Variants in USH2A observed in about 807,000 individuals in gnomAD.
USH2A encodes Usher syndrome 2A (autosomal recessive, mild).
Under a neutral mutation model 538.9 loss-of-function variants are expected in USH2A, and 443 were observed. The ratio of observed to expected loss-of-function variants is 0.82; its 90% CI spans 0.76 to 0.89. The LOEUF is 0.89. Among genes scored for constraint, USH2A ranks in the 40% least tolerant of loss-of-function variants. The pLI is 0.00. For missense variants in USH2A, 6,633 were observed against 6,324.8 expected, an observed-to-expected ratio of 1.05 and a Z score of -1.65; for synonymous variants, 2,413 against 2,273.5, an observed-to-expected ratio of 1.06 and a Z score of -1.75.
chr1:215,720,201 G>T (rs1467846452), intron 61 of USH2A, among the ~76,000 whole-genome samples: 1 of 152,140 alleles, frequency 6.6e-6, no homozygotes, highest in African/African-American at 2.4e-5. Context: ...AGGGGATTCA[G>T]TGGAGAAGAA....
chr1:215,998,306 C>T (rs1668184723), intron 34 of USH2A, among the ~76,000 whole-genome samples: 1 of 151,934 alleles, frequency 6.6e-6, no homozygotes, highest in Non-Finnish European at 1.5e-5. Context: ...TTTTAAAAGA[C>T]CTTTGTGTAA....
At chr1:215,834,954 G>A (rs1313874885) in intron 47 of USH2A, among the ~76,000 whole-genome samples, 1 of 151,232 alleles carries the variant, frequency 6.6e-6, no homozygotes, top group African/African-American at 2.4e-5. Context: ...TTTCAATTCA[G>A]CTTTTCACCC....
intron 13 of USH2A, among the ~76,000 whole-genome samples, chr1:216,241,455 T>C (rs1300061705): frequency 6.6e-6 from 1 of 152,148 alleles, no homozygotes; most frequent in Non-Finnish European, 1.5e-5. Context: ...CTAAATTTTC[T>C]TCATGCAACC....
intron 4 of USH2A, among the ~76,000 whole-genome samples, chr1:216,335,441 GCAGA>G (rs2037950266): frequency 6.6e-6 from 1 of 151,156 alleles, no homozygotes; most frequent in Non-Finnish European, 1.5e-5. Flanking sequence ...AAAGATTTGA[GCAGA>G]CAAATAAAAT....
intron 21 of USH2A, among the ~76,000 whole-genome samples, chr1:216,101,907 A>C (rs2032589939): frequency 6.6e-6 from 1 of 152,244 alleles, no homozygotes; most frequent in Non-Finnish European, 1.5e-5. Context: ...GAAAAATCCA[A>C]GTTCTACATG....
Position 215,786,892 on chromosome 1 carries a change from G to A in USH2A, c.10183-18C>T, listed in dbSNP as rs528065173. 59 of 1,612,478 alleles carry A rather than the reference G, an allele frequency of 3.7e-5. No homozygotes were observed. The highest frequency in any genetic ancestry group is 2.9e-5 in the Non-Finnish European group (34 of 1,179,212). ...TTGGTTTCCTGAGTCAAGTGGCAGG[G>A]GTGAGAGAGAGAGGGGTATTTAAAA... On this transcript the variant is annotated intron_variant, in intron 51 of 71. Coordinates refer to ENST00000307340, the MANE Select transcript of USH2A (RefSeq NM_206933.4).
intron 56 of USH2A, among the ~76,000 whole-genome samples, chr1:215,762,431 T>C (rs1474278135): frequency 6.6e-6 from 1 of 152,088 alleles, no homozygotes; most frequent in African/African-American, 2.4e-5. Flanking sequence ...TGAAACATAA[T>C]TTTGGGTTTG....
At chr1:216,162,475 A>G (rs2034079207) in intron 21 of USH2A, among the ~76,000 whole-genome samples, 1 of 152,090 alleles carries the variant, frequency 6.6e-6, no homozygotes, top group Non-Finnish European at 1.5e-5. Context: ...ATCGACTATT[A>G]ACATTTCATT....
chr1:216,289,185 C>A (rs2036947679), intron 11 of USH2A, 95 bp downstream of exon 11: 40 of 1,575,624 alleles, frequency 2.5e-5, no homozygotes, highest in Non-Finnish European at 3.4e-5. Flanking sequence ...GATTTCCTGG[C>A]AAATGCAGTC....
chr1:215,992,623 T>C (rs1353413935), intron 35 of USH2A, among the ~76,000 whole-genome samples: 1 of 152,196 alleles, frequency 6.6e-6, no homozygotes, highest in East Asian at 1.9e-4. Context: ...CAAAAGCGTT[T>C]TGACACAATA....
chr1:215,732,836 T>A (rs376485315), intron 60 of USH2A, among the ~76,000 whole-genome samples: 177 of 152,170 alleles, frequency 1.2e-3, no homozygotes, highest in African/African-American at 4.0e-3. Flanking sequence ...CCACCACACC[T>A]GGCCTCTCCT....
chr1:216,210,532 C>CCCTCTT (rs1246883822), intron 15 of USH2A, among the ~76,000 whole-genome samples: 1 of 152,026 alleles, frequency 6.6e-6, no homozygotes, highest in Non-Finnish European at 1.5e-5. Context: ...AAGCAGGGAC[C>CCCTCTT]CCTCTTCTTC....
chr1:216,155,950 A>G (rs541340632), intron 21 of USH2A, among the ~76,000 whole-genome samples: 4 of 152,328 alleles, frequency 2.6e-5, no homozygotes, highest in Admixed American at 2.0e-4. Flanking sequence ...TATGAATGGT[A>G]CATGTACAAT....
At chr1:216,336,043 C>T (rs1447955564) in intron 4 of USH2A, among the ~76,000 whole-genome samples, 1 of 151,276 alleles carries the variant, frequency 6.6e-6, no homozygotes, top group South Asian at 2.1e-4. Flanking sequence ...GAACCAAATA[C>T]AGTACTAACA....
At position 216,389,990 on chromosome 1, in the gene USH2A, T is replaced by TA. The variant is rs577554919; in HGVS notation, c.652-24906dup. On this transcript the variant is annotated intron_variant, in intron 3 of 71. Transcript: ENST00000307340. ...ACTAGCTGTCAGTAAAAGAGAAAAA[T>TA]AAAAAAAACTGACTGTCAGTTTTAA... Among the ~76,000 whole-genome samples the TA allele has an allele frequency of 2.7e-3, 372 of 137,608 alleles. 5 individuals are homozygous for TA. The highest frequency in any genetic ancestry group is 6.7e-3 in the African/African-American group (267 of 39,708). 90.3% of individuals were successfully genotyped at this position (137,608 alleles called of 152,430 possible). A position where few individuals can be genotyped will look rare whatever the true frequency, so the allele number is the denominator to read the frequency against.
chr1:215,765,188 G>A (rs766650657), intron 56 of USH2A, among the ~76,000 whole-genome samples: 5 of 152,008 alleles, frequency 3.3e-5, no homozygotes, highest in Non-Finnish European at 5.9e-5. Context: ...AGCCAAATCT[G>A]GTTGATAGAT....
chr1:215,770,852 C>T (rs1661257944), intron 55 of USH2A, among the ~76,000 whole-genome samples: 1 of 150,890 alleles, frequency 6.6e-6, no homozygotes, highest in East Asian at 2.0e-4. Context: ...TGCCTCTAGT[C>T]CCAGCACTTT....
At chr1:215,811,981 GTTTTT>G (rs753767378) in intron 49 of USH2A, among the ~76,000 whole-genome samples, 1 of 78,786 alleles carries the variant, frequency 1.3e-5, no homozygotes. Flanking sequence ...AACCCCTAGG[GTTTTT>G]TTTTTTTTTT....
At chr1:216,039,073 C>A (rs2030138087) in intron 32 of USH2A, among the ~76,000 whole-genome samples, 1 of 151,984 alleles carries the variant, frequency 6.6e-6, no homozygotes, top group Non-Finnish European at 1.5e-5. Context: ...AATGGAAGAA[C>A]GACACTTAGG....
Sources: gnomAD v4.1 joint callset for allele counts (sites outside exome capture counted in the v4.1 genomes callset) on GRCh38, gnomAD v4.1.1 for gene constraint, MANE v1.5 for transcripts, NCBI Gene and HGNC (gene_info 2026-07-23, HGNC 2026-07-21) for gene names.